MRTFA: variants seen among roughly 807,000 people sequenced by gnomAD.
MRTFA encodes myocardin related transcription factor A.
MRTFA carries 20 observed loss-of-function variants against 83.5 expected under a neutral mutation model. The observed-to-expected ratio is 0.24, with a 90% CI of 0.17 to 0.35. The LOEUF (loss-of-function observed/expected upper bound fraction) is 0.35, where lower values mean the gene tolerates loss of function less well. MRTFA is among the 10% of genes least tolerant of loss of function. The pLI is 1.00. For synonymous variants in MRTFA, 659 were observed against 541.2 expected, an observed-to-expected ratio of 1.22 and a Z score of -3.02; for missense variants, 1,200 against 1,224.7, an observed-to-expected ratio of 0.98 and a Z score of 0.30.
At chr22:40,559,033 C>A (rs2055574861) in intron 2 of MRTFA, among the ~76,000 whole-genome samples, 1 of 151,926 alleles carries the variant, frequency 6.6e-6, no homozygotes, top group South Asian at 2.1e-4. Flanking sequence ...CCACCTGCCC[C>A]AGCCTCCCAA....
chr22:40,498,308 A>G (rs1446599475), intron 3 of MRTFA, among the ~76,000 whole-genome samples: 4 of 75,102 alleles, frequency 5.3e-5, no homozygotes, highest in African/African-American at 2.2e-4. Flanking sequence ...TTTTTGAGGC[A>G]GGGTCTCACT....
chr22:40,599,013 A>C (rs950143830), intron 1 of MRTFA, among the ~76,000 whole-genome samples: 10 of 150,820 alleles, frequency 6.6e-5, no homozygotes, highest in Non-Finnish European at 1.3e-4. Context: ...AAAAAAAAAA[A>C]AAACCTGGGC....
intron 3 of MRTFA, among the ~76,000 whole-genome samples, chr22:40,525,599 T>G (rs529425048): frequency 1.1e-4 from 16 of 152,278 alleles, no homozygotes; most frequent in African/African-American, 3.9e-4. Flanking sequence ...TATAAATACA[T>G]AAAATTTTGA....
intron 1 of MRTFA, among the ~76,000 whole-genome samples, chr22:40,617,977 A>G (rs1431758897): frequency 6.6e-6 from 1 of 152,208 alleles, no homozygotes; most frequent in Admixed American, 6.5e-5. Context: ...AGAGACGGAC[A>G]ACAAACAGAT....
At chr22:40,459,302 C>T (rs902254224) in intron 4 of MRTFA, among the ~76,000 whole-genome samples, 1 of 149,542 alleles carries the variant, frequency 6.7e-6, no homozygotes, top group Admixed American at 6.7e-5. Context: ...TATCCATGTA[C>T]CAACAGGGAC....
intron 3 of MRTFA, chr22:40,519,430 G>C (rs1050175318): frequency 1.5e-6 from 2 of 1,332,142 alleles, no homozygotes; most frequent in Non-Finnish European, 1.0e-6. Context: ...TCAGGGTTGA[G>C]AGATGAAGGC....
At chr22:40,551,357 T>C (rs1335234750) in intron 3 of MRTFA, among the ~76,000 whole-genome samples, 1 of 152,062 alleles carries the variant, frequency 6.6e-6, no homozygotes, top group Non-Finnish European at 1.5e-5. Context: ...TATTCACTTA[T>C]TTATTATTTG....
intron 9 of MRTFA, among the ~76,000 whole-genome samples, chr22:40,421,661 A>G (rs5757948): frequency 0.99 from 150,175 of 152,280 alleles, 74,060 homozygotes; most frequent in Middle Eastern, 1. Flanking sequence ...AAAGACCTCC[A>G]GCTGGCACAG....
At chr22:40,516,180 A>G (rs5757974) in intron 3 of MRTFA, among the ~76,000 whole-genome samples, 1 of 152,168 alleles carries the variant, frequency 6.6e-6, no homozygotes, top group East Asian at 1.9e-4. Context: ...CACTTTTGGG[A>G]GGTCAAGGTG....
chr22:40,557,900 A>G (rs1011721054), intron 2 of MRTFA, among the ~76,000 whole-genome samples: 2 of 152,024 alleles, frequency 1.3e-5, no homozygotes, highest in Non-Finnish European at 2.9e-5. Context: ...CAGCCTCCCG[A>G]GTAACTGGGA....
intron 2 of MRTFA, among the ~76,000 whole-genome samples, chr22:40,562,747 C>A (rs56094718): frequency 1.6e-5 from 1 of 60,886 alleles, no homozygotes; most frequent in African/African-American, 7.3e-5. Flanking sequence ...GAAGGGGGAA[C>A]GGACGGAGGG....
intron 2 of MRTFA, chr22:40,586,730 A>T: frequency 3.5e-6 from 1 of 286,042 alleles, no homozygotes; most frequent in South Asian, 3.3e-5. Context: ...CCTCTGTGGT[A>T]GGTTTTTTTT....
chr22:40,450,245 G>T (rs1481429465), intron 4 of MRTFA, among the ~76,000 whole-genome samples: 1 of 152,108 alleles, frequency 6.6e-6, no homozygotes, highest in Non-Finnish European at 1.5e-5. Flanking sequence ...TCCCTATGAA[G>T]AATATATGGC....
rs1372126119 is a variant in MRTFA, at chr22:40,470,280, T to G, written c.242-6994A>C. ...ATATATATATATATATATATATATA[T>G]AAAGAAACATAATAAAGAGCAAAAG... On this transcript the variant is annotated intron_variant, in intron 3 of 14. Coordinates refer to ENST00000355630, the MANE Select transcript of MRTFA (RefSeq NM_020831.6). 1.9e-4 allele frequency among the ~76,000 whole-genome samples: 20 copies of G among 106,402 alleles called. No homozygotes were observed. The South Asian group carries it at 5.4e-3, about 29-fold the overall frequency. 69.8% of individuals were successfully genotyped at this position (106,402 alleles called of 152,430 possible). A position where few individuals can be genotyped will look rare whatever the true frequency, so the allele number is the denominator to read the frequency against.
intron 2 of MRTFA, among the ~76,000 whole-genome samples, chr22:40,566,150 A>G (rs566223689): frequency 4.6e-5 from 7 of 152,310 alleles, no homozygotes; most frequent in Non-Finnish European, 8.8e-5. Flanking sequence ...AGGAATGGAC[A>G]TAAGTATATT....
intron 3 of MRTFA, among the ~76,000 whole-genome samples, chr22:40,524,161 G>A (rs2054920153): frequency 6.6e-6 from 1 of 152,156 alleles, no homozygotes; most frequent in Non-Finnish European, 1.5e-5. Flanking sequence ...TGGGCCTAGT[G>A]ATGTGCACTT....
In MRTFA at chr22:40,432,929, T is replaced by C. The variant is rs1403727116; in HGVS notation, c.364-1449A>G. On this transcript the variant is annotated intron_variant, in intron 5 of 14. Transcript: ENST00000355630. Reference sequence around the variant, plus strand: ...AGTGGAAGACTTATTCTCTAAGCCATCTGAAGCTCTGACCAGTGGCCATGA... The same window carrying C: ...AGTGGAAGACTTATTCTCTAAGCCACCTGAAGCTCTGACCAGTGGCCATGA... Among the ~76,000 whole-genome samples, 2 of 152,214 alleles carry C rather than the reference T, an allele frequency of 1.3e-5. 1 individual carries two copies. The highest frequency in any genetic ancestry group is 4.1e-4 in the South Asian group (2 of 4,836).
At chr22:40,591,322 T>C (rs2056118416) in intron 2 of MRTFA, among the ~76,000 whole-genome samples, 1 of 151,542 alleles carries the variant, frequency 6.6e-6, no homozygotes, top group Admixed American at 6.6e-5. Flanking sequence ...AAAATAACTT[T>C]GAATAAAAGC....
chr22:40,422,210 G>A (rs2052856235), intron 9 of MRTFA, among the ~76,000 whole-genome samples: 1 of 152,086 alleles, frequency 6.6e-6, no homozygotes, highest in Admixed American at 6.5e-5. Flanking sequence ...AAGGGAGGAG[G>A]AAGGGAGGCA....
Sources: allele counts gnomAD v4.1 joint callset (sites outside exome capture counted in the v4.1 genomes callset), GRCh38; gene constraint gnomAD v4.1.1; transcripts MANE v1.5; gene names NCBI Gene and HGNC (gene_info 2026-07-23, HGNC 2026-07-21).